PRELID2: variants seen among roughly 807,000 people sequenced by gnomAD.
PRELID2 encodes PRELI domain-containing protein 2.
A neutral mutation model predicts 28.4 loss-of-function variants in PRELID2; 25 were observed. The ratio of observed to expected loss-of-function variants is 0.88; its 90% CI spans 0.64 to 1.23. PRELID2 has a LOEUF of 1.23. Ranked by LOEUF, PRELID2 falls within the 50% of genes most tolerant of loss-of-function variation. PRELID2 has a pLI of 0.00. For missense variants in PRELID2, 201 were observed against 214.4 expected, an observed-to-expected ratio of 0.94 and a Z score of 0.39; for synonymous variants, 76 against 71.6, an observed-to-expected ratio of 1.06 and a Z score of -0.31.
chr5:145,725,653 G>A (rs1398927176), intron 1 of PRELID2, among the ~76,000 whole-genome samples: 2 of 151,808 alleles, frequency 1.3e-5, no homozygotes, highest in South Asian at 2.1e-4. Context: ...AGTGTAGGGA[G>A]GGTGGCCAAT....
intron 1 of PRELID2, among the ~76,000 whole-genome samples, chr5:145,560,539 G>A (rs914324476): frequency 6.6e-6 from 1 of 152,176 alleles, no homozygotes; most frequent in Non-Finnish European, 1.5e-5. Flanking sequence ...GCTTTTAACA[G>A]CTTTAAACAA....
rs192957092 is a variant in PRELID2 at position 145,702,873 on chromosome 5, C to A, written n.70+62058G>T. Reference sequence around the variant, plus strand: ...CACTTCTATGTGGGCTTGAGTTCCACAATCACTAGAAAAAAATGTTAAAGG... The same window carrying A: ...CACTTCTATGTGGGCTTGAGTTCCAAAATCACTAGAAAAAAATGTTAAAGG... On this transcript the variant is annotated intron_variant and non_coding_transcript_variant, in intron 1 of 2. Transcript: ENST00000510259. Among the ~76,000 whole-genome samples the A allele has an allele frequency of 4.5e-3, 680 of 152,216 alleles. 3 individuals are homozygous for A. The highest frequency in any genetic ancestry group is 7.6e-3 in the Non-Finnish European group (520 of 68,000).
chr5:145,728,332 A>G, intron 1 of PRELID2: 1 of 341,930 alleles, frequency 2.9e-6, no homozygotes, highest in Non-Finnish European at 5.6e-6. Context: ...ATCTCTATTT[A>G]TCTCTATCTC....
At chr5:145,778,399 G>T (rs1758552655) in intron 5 of PRELID2, among the ~76,000 whole-genome samples, 1 of 152,178 alleles carries the variant, frequency 6.6e-6, no homozygotes, top group Admixed American at 6.5e-5. Flanking sequence ...CACCCTGGAT[G>T]TGGAAAGGGG....
intron 1 of PRELID2, among the ~76,000 whole-genome samples, chr5:145,690,923 T>C (rs967080208): frequency 1.3e-5 from 2 of 151,314 alleles, no homozygotes; most frequent in Non-Finnish European, 2.9e-5. Flanking sequence ...ATCAAAGAAA[T>C]GCAAATTACA....
intron 4 of PRELID2, among the ~76,000 whole-genome samples, chr5:145,799,516 T>A (rs1291614312): frequency 6.6e-6 from 1 of 151,824 alleles, no homozygotes; most frequent in Non-Finnish European, 1.5e-5. Context: ...CACAGGCAAG[T>A]GGGAGTGTGT....
the PRELID2 span, among the ~76,000 whole-genome samples, chr5:145,311,646 C>A: frequency 6.6e-6 from 1 of 152,098 alleles, no homozygotes; most frequent in South Asian, 2.1e-4. Context: ...GCAATAACAC[C>A]AATTCCATGC....
At chr5:145,662,943 T>C (rs1481468558) in intron 1 of PRELID2, among the ~76,000 whole-genome samples, 1 of 152,150 alleles carries the variant, frequency 6.6e-6, no homozygotes, top group Non-Finnish European at 1.5e-5. Flanking sequence ...AAGTACAGAT[T>C]CTACACCTGT....
chr5:145,326,117 C>T, the PRELID2 span, among the ~76,000 whole-genome samples: 1 of 152,102 alleles, frequency 6.6e-6, no homozygotes, highest in Non-Finnish European at 1.5e-5. Flanking sequence ...AAGCGATCCT[C>T]CCATCTCAGC....
At chr5:145,512,682 C>T (rs1209815973) in intron 1 of PRELID2, among the ~76,000 whole-genome samples, 1 of 152,212 alleles carries the variant, frequency 6.6e-6, no homozygotes, top group Non-Finnish European at 1.5e-5. Context: ...CCCATGCCTC[C>T]TGTCTGAGAG....
intron 6 of PRELID2, among the ~76,000 whole-genome samples, chr5:145,761,622 T>C (rs1362344272): frequency 6.6e-6 from 1 of 152,196 alleles, no homozygotes; most frequent in Non-Finnish European, 1.5e-5. Flanking sequence ...GACCAGACAG[T>C]AAATATTATA....
intron 4 of PRELID2, among the ~76,000 whole-genome samples, chr5:145,797,048 ATCC>A (rs1421533118): frequency 6.6e-6 from 1 of 152,144 alleles, no homozygotes; most frequent in Non-Finnish European, 1.5e-5. Flanking sequence ...GACTTTTTCA[ATCC>A]TCGATTGGAG....
chr5:145,679,730 T>G (rs1177828427), intron 1 of PRELID2, among the ~76,000 whole-genome samples: 1 of 151,684 alleles, frequency 6.6e-6, no homozygotes, highest in Non-Finnish European at 1.5e-5. Flanking sequence ...TAAACTATTT[T>G]GAGTTAATAA....
intron 1 of PRELID2, among the ~76,000 whole-genome samples, chr5:145,480,736 A>G (rs115335338): frequency 0.018 from 2,736 of 152,250 alleles, 43 homozygotes; most frequent in Non-Finnish European, 0.026. Flanking sequence ...CCTCCCTGAG[A>G]TCTGCTACAT....
At chr5:145,428,726 G>A in the PRELID2 span, among the ~76,000 whole-genome samples, 12 of 152,098 alleles carry the variant, frequency 7.9e-5, no homozygotes, top group African/African-American at 2.7e-4. Context: ...ATAGTTTATT[G>A]GGGGCTATTT....
intron 1 of PRELID2, among the ~76,000 whole-genome samples, chr5:145,553,709 G>C (rs1580975939): frequency 6.6e-6 from 1 of 152,096 alleles, no homozygotes; most frequent in East Asian, 1.9e-4. Flanking sequence ...TAATATAGTG[G>C]GTTTTAGATC....
chr5:145,248,042 T>C, the PRELID2 span, among the ~76,000 whole-genome samples: 1 of 152,050 alleles, frequency 6.6e-6, no homozygotes, highest in African/African-American at 2.4e-5. Context: ...TAATATACCT[T>C]GTGAAATATT....
chr5:145,624,531 C>T (rs1160390871), intron 1 of PRELID2, among the ~76,000 whole-genome samples: 4 of 152,158 alleles, frequency 2.6e-5, no homozygotes, highest in Admixed American at 6.5e-5. Flanking sequence ...ATATATATTT[C>T]TTATGCCATA....
intron 1 of PRELID2, among the ~76,000 whole-genome samples, chr5:145,824,463 T>TGTGTGTGAGAGA (rs373555427): frequency 4.2e-5 from 6 of 143,654 alleles, no homozygotes; most frequent in African/African-American, 1.5e-4. Context: ...TGTGTGTGTG[T>TGTGTGTGAGAGA]GATATTGATT....
Sources: gnomAD v4.1 joint callset for allele counts (sites outside exome capture counted in the v4.1 genomes callset) on GRCh38, gnomAD v4.1.1 for gene constraint, MANE v1.5 for transcripts, NCBI Gene and HGNC (gene_info 2026-07-23, HGNC 2026-07-21) for gene names.